The following MICAL3 variants were observed in gnomAD, a reference collection of about 807,000 sequenced individuals.
MICAL3 encodes microtubule associated monooxygenase, calponin and LIM domain containing 3, also known as [F-actin]-monooxygenase MICAL3.
Under a neutral mutation model 207.4 loss-of-function variants are expected in MICAL3, and 62 were observed. The ratio of observed to expected loss-of-function variants is 0.30; its 90% CI spans 0.24 to 0.37. The LOEUF is 0.37. MICAL3 is among the 10% of genes least tolerant of loss of function. MICAL3 has a pLI of 1.00. For missense variants in MICAL3, 2,368 were observed against 2,635.6 expected (o/e 0.90, Z 2.22); for synonymous variants, 1,077 against 1,069.3 (o/e 1.01, Z -0.14).
At chr22:17,795,703 C>A (rs959177352) in intron 29 of MICAL3, among the ~76,000 whole-genome samples, 2 of 152,234 alleles carry the variant, frequency 1.3e-5, no homozygotes, top group Non-Finnish European at 2.9e-5. Context: ...GAGCGGCCGG[C>A]GAGTCCGAGC....
intron 19 of MICAL3, among the ~76,000 whole-genome samples, chr22:17,850,198 C>T (rs1303011224): frequency 6.6e-6 from 1 of 151,868 alleles, no homozygotes; most frequent in African/African-American, 2.4e-5. Context: ...GGAAAAAACC[C>T]AATAGGGAAC....
intron 29 of MICAL3, among the ~76,000 whole-genome samples, chr22:17,806,453 A>G (rs550360951): frequency 8.5e-4 from 120 of 140,388 alleles, no homozygotes; most frequent in East Asian, 3.1e-3. Context: ...CCAACTGTGG[A>G]AAAAAAAAAA....
intron 16 of MICAL3, among the ~76,000 whole-genome samples, chr22:17,885,442 C>CA (rs1284921285): frequency 6.6e-6 from 1 of 151,914 alleles, no homozygotes; most frequent in Non-Finnish European, 1.5e-5. Context: ...ACCTCATCTA[C>CA]AAAAACAAGA....
chr22:17,830,227 A>G (rs1922653671), intron 21 of MICAL3, among the ~76,000 whole-genome samples: 2 of 152,010 alleles, frequency 1.3e-5, no homozygotes, highest in African/African-American at 4.8e-5. Flanking sequence ...GAGGGAAGAG[A>G]AGGGAGTAGT....
At chr22:17,810,225 G>A (rs1181707679) in intron 28 of MICAL3, among the ~76,000 whole-genome samples, 1 of 151,948 alleles carries the variant, frequency 6.6e-6, no homozygotes, top group Non-Finnish European at 1.5e-5. Flanking sequence ...ACCACGCCTG[G>A]CTAATTTTTT....
intron 1 of MICAL3, among the ~76,000 whole-genome samples, chr22:17,941,196 T>A (rs1295681063): frequency 2.0e-5 from 3 of 151,360 alleles, no homozygotes; most frequent in African/African-American, 7.4e-5. Flanking sequence ...CTCCACATCA[T>A]TTTTCTCAGC....
At chr22:17,976,177 C>A (rs1169406576) in intron 1 of MICAL3, among the ~76,000 whole-genome samples, 1 of 152,132 alleles carries the variant, frequency 6.6e-6, no homozygotes, top group Non-Finnish European at 1.5e-5. Flanking sequence ...AGATGGACTG[C>A]CAAAATATGT....
chr22:17,843,415 G>A (rs184804232), intron 19 of MICAL3, among the ~76,000 whole-genome samples: 20 of 152,266 alleles, frequency 1.3e-4, no homozygotes, highest in Admixed American at 1.1e-3. Flanking sequence ...ACCGGGTCCA[G>A]GTGGAGGCGG....
chr22:17,951,944 G>A (rs1237807576), intron 1 of MICAL3, among the ~76,000 whole-genome samples: 2 of 152,102 alleles, frequency 1.3e-5, no homozygotes, highest in South Asian at 2.1e-4. Context: ...TGATCCGCCC[G>A]CCTCGGCCTC....
intron 1 of MICAL3, among the ~76,000 whole-genome samples, chr22:17,935,305 C>T (rs989146696): frequency 1.3e-5 from 2 of 152,084 alleles, no homozygotes; most frequent in Admixed American, 1.3e-4. Flanking sequence ...CTTTGACAAA[C>T]CTGACAAAAA....
intron 16 of MICAL3, among the ~76,000 whole-genome samples, chr22:17,882,779 G>C (rs964146193): frequency 6.6e-6 from 1 of 152,140 alleles, no homozygotes; most frequent in Non-Finnish European, 1.5e-5. Context: ...CATCTGCCCA[G>C]CTACTGTCTC....
intron 1 of MICAL3, among the ~76,000 whole-genome samples, chr22:17,972,718 T>A (rs1204408944): frequency 6.6e-6 from 1 of 152,028 alleles, no homozygotes; most frequent in African/African-American, 2.4e-5. Flanking sequence ...GAGCTATGGA[T>A]CTCATTCACT....
chr22:17,953,494 C>A (rs1488544631), intron 1 of MICAL3, among the ~76,000 whole-genome samples: 1 of 152,018 alleles, frequency 6.6e-6, no homozygotes, highest in Non-Finnish European at 1.5e-5. Context: ...ATGTCCAAGC[C>A]CCCTAGAAGG....
At position 17,823,115 on chromosome 22, in the gene MICAL3, T is replaced by A; in HGVS notation, c.3194-55A>T. The A allele has an allele frequency of 4.9e-6, 6 of 1,223,302 alleles. No individual in the cohort carries two copies. In the South Asian group the frequency reaches 7.3e-5, roughly 15 times the overall value. The allele number at this position is 1,223,302 out of a possible 1,614,324, so 75.8% of individuals were successfully genotyped here. A position where few individuals can be genotyped will look rare whatever the true frequency, so the allele number is the denominator to read the frequency against. On this transcript the variant is annotated intron_variant, in intron 22 of 31. Transcript: ENST00000441493. ...AGAAAAGGAGGACAGACAGACAGGC[T>A]GCATCTTCACGGGGGCGAGAGGTAC...
At chr22:17,884,028 C>T (rs937958415) in intron 16 of MICAL3, among the ~76,000 whole-genome samples, 1 of 152,210 alleles carries the variant, frequency 6.6e-6, no homozygotes, top group Non-Finnish European at 1.5e-5. Flanking sequence ...ACAGCTTCAG[C>T]GAGTTTCAAA....
intron 1 of MICAL3, among the ~76,000 whole-genome samples, chr22:17,938,861 T>G (rs1933675549): frequency 6.6e-6 from 1 of 152,162 alleles, no homozygotes; most frequent in Admixed American, 6.5e-5. Context: ...GCATTACAGC[T>G]CATGATCTGC....
At chr22:17,884,801 A>G (rs925495732) in intron 16 of MICAL3, among the ~76,000 whole-genome samples, 2 of 152,172 alleles carry the variant, frequency 1.3e-5, no homozygotes, top group Admixed American at 6.5e-5. Context: ...TTATCAATGA[A>G]TATCATCACC....
intron 1 of MICAL3, chr22:18,001,374 C>G (rs1270952188): frequency 6.6e-6 from 1 of 152,242 alleles, no homozygotes; most frequent in Non-Finnish European, 1.5e-5. Flanking sequence ...GGGTCGGAGT[C>G]CCGAAGCCCC....
At chr22:18,003,499 T>A (rs1923178328) in intron 1 of MICAL3, among the ~76,000 whole-genome samples, 1 of 152,202 alleles carries the variant, frequency 6.6e-6, no homozygotes, top group African/African-American at 2.4e-5. Flanking sequence ...GCTGCGAAAG[T>A]GCTCGTCCCT....
Sources: allele counts gnomAD v4.1 joint callset (sites outside exome capture counted in the v4.1 genomes callset), GRCh38; gene constraint gnomAD v4.1.1; transcripts MANE v1.5; gene names NCBI Gene and HGNC (gene_info 2026-07-23, HGNC 2026-07-21).